The following NHSL1 variants were observed in gnomAD, a reference collection of about 807,000 sequenced individuals.
NHSL1 encodes NHS like 1, also known as NHS-like protein 1.
NHSL1 carries 48 observed loss-of-function variants against 95.0 expected under a neutral mutation model. The observed-to-expected ratio is 0.51, with a 90% CI of 0.40 to 0.64. NHSL1 has a LOEUF of 0.64. Among genes scored for constraint, NHSL1 ranks in the 30% least tolerant of loss-of-function variants. The pLI is 0.00. For missense variants in NHSL1, 1,971 were observed against 2,077.7 expected (o/e 0.95, Z 1.00); for synonymous variants, 783 against 833.9 (o/e 0.94, Z 1.05).
rs1483453309 is a variant in NHSL1, at chr6:138,516,910, C to G, written c.17-20539G>C. On this transcript the variant is annotated intron_variant, in intron 1 of 4. Coordinates refer to the NHSL1 transcript ENST00000342260. ...TCAGCCTCCCAAAGTGCTGGGATTACAGGCGCGAGCCACTGCATCCAGGCA... is the reference window on the plus strand; with the variant it reads ...TCAGCCTCCCAAAGTGCTGGGATTAGAGGCGCGAGCCACTGCATCCAGGCA... Among the ~76,000 whole-genome samples the G allele has an allele frequency of 3.9e-5, 6 of 152,324 alleles. No homozygotes were observed. In the South Asian group the frequency reaches 1.0e-3, roughly 26 times the overall value.
intron 3 of NHSL1, among the ~76,000 whole-genome samples, chr6:138,447,487 T>C (rs1776939419): frequency 2.0e-5 from 3 of 152,140 alleles, no homozygotes; most frequent in Admixed American, 2.0e-4. Flanking sequence ...AGAAAGCTCA[T>C]GGAATGGCCG....
chr6:138,590,518 C>A (rs1254748030), intron 1 of NHSL1, among the ~76,000 whole-genome samples: 2 of 152,150 alleles, frequency 1.3e-5, no homozygotes, highest in East Asian at 3.9e-4. Flanking sequence ...CCCAATCAAC[C>A]ACCAACTCCA....
At chr6:138,658,187 T>C (rs1039001365) in intron 1 of NHSL1, among the ~76,000 whole-genome samples, 4 of 152,172 alleles carry the variant, frequency 2.6e-5, no homozygotes, top group Non-Finnish European at 5.9e-5. Flanking sequence ...AAATTGTATA[T>C]ATTTAAGGTG....
intron 3 of NHSL1, among the ~76,000 whole-genome samples, chr6:138,449,480 T>C (rs1777090436): frequency 6.6e-6 from 1 of 151,964 alleles, no homozygotes; most frequent in Non-Finnish European, 1.5e-5. Context: ...ATCGAGACCA[T>C]CCTGGCCAAA....
At chr6:138,676,678 TG>T (rs1785453359) in intron 1 of NHSL1, among the ~76,000 whole-genome samples, 3 of 152,162 alleles carry the variant, frequency 2.0e-5, no homozygotes, top group Non-Finnish European at 4.4e-5. Flanking sequence ...TTTTTGAGAC[TG>T]AGTCTAGCTC....
chr6:138,589,143 G>A (rs1040734296), intron 1 of NHSL1, among the ~76,000 whole-genome samples: 1 of 152,130 alleles, frequency 6.6e-6, no homozygotes, highest in African/African-American at 2.4e-5. Flanking sequence ...ACATCTGAGG[G>A]TGGCTCATAA....
At chr6:138,590,188 G>A (rs939221554) in intron 1 of NHSL1, among the ~76,000 whole-genome samples, 9 of 152,132 alleles carry the variant, frequency 5.9e-5, no homozygotes, top group Non-Finnish European at 1.3e-4. Flanking sequence ...AGTAGAGACA[G>A]GGTTTCACCT....
chr6:138,682,964 T>C (rs370160923), intron 1 of NHSL1, among the ~76,000 whole-genome samples: 47 of 152,264 alleles, frequency 3.1e-4, no homozygotes, highest in Admixed American at 1.4e-3. Flanking sequence ...AAACGTGACA[T>C]TGGGGGCTTG....
chr6:138,530,344 C>A (rs1782081623), intron 1 of NHSL1, among the ~76,000 whole-genome samples: 1 of 152,182 alleles, frequency 6.6e-6, no homozygotes, highest in Non-Finnish European at 1.5e-5. Context: ...TAAACTAGTA[C>A]AACCACTATG....
chr6:138,626,384 T>C (rs1051175170), intron 1 of NHSL1, among the ~76,000 whole-genome samples: 1 of 152,210 alleles, frequency 6.6e-6, no homozygotes, highest in Non-Finnish European at 1.5e-5. Flanking sequence ...GGTAGATAGG[T>C]TGATTATGTA....
chr6:138,469,802 A>G (rs1373433375), intron 3 of NHSL1, among the ~76,000 whole-genome samples: 2 of 152,194 alleles, frequency 1.3e-5, no homozygotes, highest in Non-Finnish European at 2.9e-5. Flanking sequence ...TAATCGAATC[A>G]TGAGGAATAA....
At chr6:138,429,062 T>A (rs1583133408) in intron 7 of NHSL1, among the ~76,000 whole-genome samples, 2 of 152,222 alleles carry the variant, frequency 1.3e-5, no homozygotes, top group African/African-American at 4.8e-5. Flanking sequence ...GGTGACCACA[T>A]ATAAAAAGTG....
intron 1 of NHSL1, among the ~76,000 whole-genome samples, chr6:138,647,781 A>G (rs1004767053): frequency 2.0e-5 from 3 of 152,024 alleles, no homozygotes; most frequent in Admixed American, 6.6e-5. Context: ...TATTTTCACT[A>G]GAGACAGGGT....
At chr6:138,551,860 C>T (rs1013640738) in intron 1 of NHSL1, among the ~76,000 whole-genome samples, 1 of 152,152 alleles carries the variant, frequency 6.6e-6, no homozygotes, top group South Asian at 2.1e-4. Flanking sequence ...GAGCCTGTAT[C>T]CTGTTTGAGT....
At chr6:138,664,788 C>G (rs1412026015) in intron 1 of NHSL1, among the ~76,000 whole-genome samples, 1 of 152,202 alleles carries the variant, frequency 6.6e-6, no homozygotes, top group African/African-American at 2.4e-5. Flanking sequence ...AATCTGAAAT[C>G]TGCAAAGCAG....
intron 1 of NHSL1, among the ~76,000 whole-genome samples, chr6:138,519,028 G>GAATAAATAAATA (rs538300805): frequency 1.6e-4 from 25 of 151,776 alleles, no homozygotes; most frequent in Admixed American, 1.1e-3. Flanking sequence ...AAAAATAAAT[G>GAATAAATAAATA]AATAAATAAA....
At chr6:138,609,519 G>T (rs1320667545) in intron 1 of NHSL1, among the ~76,000 whole-genome samples, 1 of 152,140 alleles carries the variant, frequency 6.6e-6, no homozygotes, top group Non-Finnish European at 1.5e-5. Context: ...GGGAGGCCGA[G>T]GTGGGCGGAT....
chr6:138,579,883 T>A (rs569615667), intron 1 of NHSL1, among the ~76,000 whole-genome samples: 38 of 152,370 alleles, frequency 2.5e-4, no homozygotes, highest in Middle Eastern at 6.8e-3. Flanking sequence ...ACACCGAATA[T>A]ATCTGACTTT....
intron 4 of NHSL1, among the ~76,000 whole-genome samples, chr6:138,444,142 T>C (rs986249279): frequency 6.6e-6 from 1 of 152,190 alleles, no homozygotes; most frequent in African/African-American, 2.4e-5. Flanking sequence ...TCACTGCCTT[T>C]AATTGAAAAA....
Sources: gnomAD v4.1 joint callset for allele counts (sites outside exome capture counted in the v4.1 genomes callset) on GRCh38, gnomAD v4.1.1 for gene constraint, MANE v1.5 for transcripts, NCBI Gene and HGNC (gene_info 2026-07-23, HGNC 2026-07-21) for gene names.